The following GAK variants were observed in gnomAD, a reference collection of about 807,000 sequenced individuals.
GAK encodes the protein cyclin G associated kinase.
A neutral mutation model predicts 143.9 loss-of-function variants in GAK; 79 were observed. The ratio of observed to expected loss-of-function variants is 0.55; its 90% CI spans 0.46 to 0.66. GAK has a LOEUF of 0.66. Among genes scored for constraint, GAK ranks in the 30% least tolerant of loss-of-function variants. GAK has a pLI of 0.00. For synonymous variants in GAK, 881 were observed against 765.5 expected, an observed-to-expected ratio of 1.15 and a Z score of -2.49; for missense variants, 1,693 against 1,779.7, an observed-to-expected ratio of 0.95 and a Z score of 0.88.
At chr4:900,467 A>G (rs3755963) in intron 5 of GAK, among the ~76,000 whole-genome samples, 42,102 of 152,066 alleles carry the variant, frequency 0.28, 5,944 homozygotes, top group Non-Finnish European at 0.3. Flanking sequence ...TTCTTCACCA[A>G]TTCAACCCTT....
At chr4:876,993 C>T in intron 17 of GAK, 97 bp downstream of exon 17, 1 of 840,434 alleles carries the variant, frequency 1.2e-6, no homozygotes, top group Non-Finnish European at 1.9e-6. Context: ...AGCGAGCACC[C>T]TGGACCCTCG....
rs1032202168 is a variant in GAK, at chr4:876,970, G to A, written c.1974+120C>T. 15 of 682,812 alleles carry A rather than the reference G, an allele frequency of 2.2e-5. No homozygotes were observed. In the African/African-American group the frequency reaches 2.7e-4, roughly 12 times the overall value. 42.3% of individuals were successfully genotyped at this position (682,812 alleles called of 1,614,324 possible). A position where few individuals can be genotyped will look rare whatever the true frequency, so the allele number is the denominator to read the frequency against. On this transcript the variant is annotated intron_variant, in intron 17 of 27. Transcript: ENST00000314167. ...GGCAGTCGCCACATGAGAGCCCACG[G>A]CACTCACCAAACAGCGAGCACCCTG... is the stretch of plus-strand genomic sequence containing the variant.
At chr4:903,308 C>G (rs1316935472) in intron 5 of GAK, among the ~76,000 whole-genome samples, 2 of 152,152 alleles carry the variant, frequency 1.3e-5, no homozygotes, top group African/African-American at 4.8e-5. Flanking sequence ...CCCGTGGTGA[C>G]AGGAGAGATG....
Position 888,898 on chromosome 4 carries a change from A to G in GAK, c.1154T>C (p.Leu385Pro), listed in dbSNP as rs1553882367. ...LDILRGGTER[L>P]FTNLKDTSSK... ...GGAGGTGTCCTTGAGGTTGGTGAAG[A>G]GCCGCTCTGTCCCACCCCGCAGAAT... The change falls in exon 11 of 28, where the codon CTC becomes CCC. Residue 385 changes from leucine (L) to proline (P), a missense_variant. Around this residue, in one of 2 missense-constraint regions of GAK, gnomAD observed 871 missense variants for 991.0 expected, o/e 0.88. Transcript: ENST00000314167. 6.2e-7 allele frequency: 1 copy of G among 1,612,046 alleles called. No homozygotes were observed. Among genetic ancestry groups the G allele is most frequent in the Non-Finnish European group, 8.5e-7 (1 of 1,179,476 alleles).
intron 9 of GAK, among the ~76,000 whole-genome samples, chr4:890,888 T>C (rs965682162): frequency 6.6e-5 from 10 of 152,032 alleles, no homozygotes; most frequent in African/African-American, 2.4e-4. Flanking sequence ...TTCAGACTCT[T>C]GGGCTACAGC....
At chr4:857,918 G>A (rs1431892590) in intron 24 of GAK, among the ~76,000 whole-genome samples, 1 of 152,204 alleles carries the variant, frequency 6.6e-6, no homozygotes, top group Non-Finnish European at 1.5e-5. Flanking sequence ...CTGCCTGATG[G>A]GGCCCTGGGC....
chr4:912,085 T>G (rs751117401), intron 3 of GAK: 3 of 472,258 alleles, frequency 6.4e-6, no homozygotes, highest in Admixed American at 4.7e-5. Context: ...GGCAGGGCCC[T>G]CAGGGGGCTG....
chr4:925,784 G>A (rs1016024799), intron 1 of GAK, among the ~76,000 whole-genome samples: 3 of 152,308 alleles, frequency 2.0e-5, no homozygotes, highest in East Asian at 3.9e-4. Context: ...GGCGCCTTGC[G>A]CCTGGACTTC....
intron 23 of GAK, among the ~76,000 whole-genome samples, chr4:862,239 C>T (rs533327250): frequency 6.6e-6 from 1 of 151,758 alleles, no homozygotes; most frequent in East Asian, 1.9e-4. Flanking sequence ...AGGGGCTGCA[C>T]CCGCCAGACT....
intron 18 of GAK, among the ~76,000 whole-genome samples, chr4:871,133 A>G (rs1156236039): frequency 6.6e-6 from 1 of 152,250 alleles, no homozygotes; most frequent in Non-Finnish European, 1.5e-5. Context: ...ACGGCCCCAG[A>G]AGAGCATCAT....
rs755489783 is a variant in GAK at position 896,545 on chromosome 4, G to A, written c.656C>T (p.Thr219Met). 5 of 1,609,468 alleles carry A rather than the reference G, an allele frequency of 3.1e-6. No homozygotes were observed. Among genetic ancestry groups the A allele is most frequent in the Non-Finnish European group, 4.3e-6 (5 of 1,175,698 alleles). Residue 219 changes from threonine to methionine, a missense_variant, in exon 7 of 28, where the codon ACG becomes ATG. Coordinates refer to ENST00000314167, the MANE Select transcript of GAK (RefSeq NM_005255.4). ...TCTATACATTGGTGTTGTATTCCTC[G>A]TGATCTGAAAAAATACAAACATTTC... Reference protein sequence around the residue: ...QRRALVEEEITRNTTPMYRTP... With the variant: ...QRRALVEEEIMRNTTPMYRTP...
At position 865,139 on chromosome 4, in the gene GAK, G is replaced by C; in HGVS notation, c.3149C>G (p.Pro1050Arg). Reference sequence around the variant, plus strand: ...GGCCATACCTTCTGTGGCTGGCGTGGGGGCCACTGCCGATGCTGCAGTCTC... The same window carrying C: ...GGCCATACCTTCTGTGGCTGGCGTGCGGGCCACTGCCGATGCTGCAGTCTC... ...WTETAASAVA[P>R]TPATEGPLFS... Residue 1050 changes from proline (P) to arginine (R), a missense_variant, in exon 23 of 28, where the codon CCC becomes CGC. Transcript: ENST00000314167. 6.2e-7 allele frequency: 1 copy of C among 1,609,948 alleles called. No homozygotes were observed. The highest frequency in any genetic ancestry group is 8.5e-7 in the Non-Finnish European group (1 of 1,178,040).
chr4:880,870 A>G (rs1349728283), intron 15 of GAK, among the ~76,000 whole-genome samples: 1 of 152,176 alleles, frequency 6.6e-6, no homozygotes, highest in East Asian at 1.9e-4. Flanking sequence ...GCCACAGGGA[A>G]AGAGACTCCC....
At chr4:883,597 G>A in intron 12 of GAK, 134 bp from the exon 13 acceptor site, 2 of 995,420 alleles carry the variant, frequency 2.0e-6, no homozygotes, top group South Asian at 1.5e-5. Flanking sequence ...TGCCCACACA[G>A]CCGGCCCCCT....
intron 4 of GAK, among the ~76,000 whole-genome samples, chr4:907,366 G>C (rs2152923322): frequency 6.6e-6 from 1 of 151,066 alleles, no homozygotes; most frequent in East Asian, 1.9e-4. Context: ...TGAGAAACAG[G>C]GGGGCTCTCA....
In GAK at chr4:888,592, G is replaced by C. The variant is rs552407888; in HGVS notation, c.1205+255C>G. The C allele has an allele frequency of 1.9e-4, 94 of 494,572 alleles. 1 individual carries two copies. The South Asian group carries it at 2.0e-3, about 10-fold the overall frequency. The allele number at this position is 494,572 out of a possible 1,614,324, so 30.6% of individuals were successfully genotyped here. Reference sequence around the variant, plus strand: ...GAGTGAGGGGCGACATTGCAGCAAGGGAGGGGAGGGCCCAGGCATCTCCTC... The same window carrying C: ...GAGTGAGGGGCGACATTGCAGCAAGCGAGGGGAGGGCCCAGGCATCTCCTC... On this transcript the variant is annotated intron_variant, in intron 11 of 27. Coordinates refer to ENST00000314167, the MANE Select transcript of GAK (RefSeq NM_005255.4).
intron 5 of GAK, among the ~76,000 whole-genome samples, chr4:904,215 C>T (rs1720615984): frequency 6.8e-6 from 1 of 147,198 alleles, no homozygotes; most frequent in Non-Finnish European, 1.5e-5. Context: ...GAGGGAGCCA[C>T]TACCTTGTGG....
Position 849,599 on chromosome 4 carries a change from T to C in GAK, c.*74A>G. On this transcript the variant is annotated 3_prime_UTR_variant, in exon 28 of 28. Coordinates refer to ENST00000314167, the MANE Select transcript of GAK (RefSeq NM_005255.4). ...ACACCTGCTGTCGCCCACGGGGTCC[T>C]CACGGTGGGGACCCAGGTCCCACGA... The C allele has an allele frequency of 8.1e-7, 1 of 1,232,518 alleles. No individual in the cohort carries two copies. The highest frequency in any genetic ancestry group is 1.2e-6 in the Non-Finnish European group (1 of 853,342). The allele number at this position is 1,232,518 out of a possible 1,614,324, so 76.3% of individuals were successfully genotyped here.
chr4:865,227 G>A lies in GAK; in HGVS notation c.3061C>T (p.Pro1021Ser), dbSNP rs777401217. 7 of 1,613,418 alleles carry A rather than the reference G, an allele frequency of 4.3e-6. No individual in the cohort carries two copies. In the South Asian group the frequency reaches 6.6e-5, roughly 15 times the overall value. ...FLHLGDLPGE[P>S]SKMTASSSNP... is the part of the protein sequence containing the mutation. ...CTGGACGAGGCTGTCATCTTGCTGG[G>A]CTCTCCTGGCAGATCCCCTGGGAAG... Residue 1021 changes from proline to serine, a missense_variant, in exon 23 of 28, where the codon CCC (proline) becomes TCC (serine). This residue lies in a region of GAK where 822 missense variants were observed against 788.7 expected (regional missense o/e 1.04). Coordinates refer to ENST00000314167, the MANE Select transcript of GAK (RefSeq NM_005255.4).
Sources: allele counts gnomAD v4.1 joint callset (sites outside exome capture counted in the v4.1 genomes callset), GRCh38; gene constraint gnomAD v4.1.1; regional missense constraint gnomAD v4.1.1; transcripts MANE v1.5; gene names NCBI Gene and HGNC (gene_info 2026-07-23, HGNC 2026-07-21).